Variants in EFL1 observed in about 807,000 individuals in gnomAD.
The protein encoded by EFL1 is elongation factor like GTPase 1.
A neutral mutation model predicts 126.7 loss-of-function variants in EFL1; 76 were observed. The ratio of observed to expected loss-of-function variants is 0.60; its 90% confidence interval spans 0.50 to 0.73. The LOEUF is 0.73. EFL1 is among the 30% of genes least tolerant of loss of function. EFL1 has a pLI of 0.00. For missense variants in EFL1, 1,128 were observed against 1,343.2 expected (o/e 0.84, Z 2.50); for synonymous variants, 410 against 448.4 (o/e 0.91, Z 1.08).
intron 7 of EFL1, among the ~76,000 whole-genome samples, chr15:82,234,617 T>C (rs2074853980): frequency 6.6e-6 from 1 of 152,158 alleles, no homozygotes; most frequent in African/African-American, 2.4e-5. Flanking sequence ...AACAAGTTCC[T>C]GTAAAAAGGA....
chr15:82,222,352 A>T (rs1256577511), intron 12 of EFL1, among the ~76,000 whole-genome samples: 1 of 152,248 alleles, frequency 6.6e-6, no homozygotes, highest in Non-Finnish European at 1.5e-5. Flanking sequence ...TATGGCTCTG[A>T]AGTCTATGCT....
intron 17 of EFL1, among the ~76,000 whole-genome samples, chr15:82,153,370 C>T (rs1193132394): frequency 1.3e-5 from 2 of 151,908 alleles, no homozygotes; most frequent in Admixed American, 1.3e-4. Flanking sequence ...AGTATATATA[C>T]ACAAAACTGC....
rs1306251062 is a variant in EFL1, at chr15:82,262,706, C to A, written c.-112G>T. 3 of 712,558 alleles carry A rather than the reference C, an allele frequency of 4.2e-6. No homozygotes were observed. Among genetic ancestry groups the A allele is most frequent in the African/African-American group, 1.9e-5 (1 of 53,810 alleles). The allele number at this position is 712,558 out of a possible 1,614,324, so 44.1% of individuals were successfully genotyped here. A position where few individuals can be genotyped will look rare whatever the true frequency, so the allele number is the denominator to read the frequency against. ...GTCCGAGAGCTCTGCGGGTCCGACA[C>A]GCCCGCGCGCCAGGGGGCGGGGCCG... is the stretch of plus-strand genomic sequence containing the variant. On this transcript the variant is annotated 5_prime_UTR_variant, in exon 1 of 20. Coordinates refer to ENST00000268206, the MANE Select transcript of EFL1 (RefSeq NM_024580.6).
At chr15:82,169,967 T>C (rs2074116809) in intron 15 of EFL1, among the ~76,000 whole-genome samples, 1 of 152,142 alleles carries the variant, frequency 6.6e-6, no homozygotes, top group African/African-American at 2.4e-5. Flanking sequence ...ATAGGAAAAG[T>C]ATACTTTTTG....
chr15:82,152,216 A>T lies in EFL1; in HGVS notation c.2238T>A (p.Asn746Lys), dbSNP rs1255223003. The change falls in exon 18 of 20, where the codon AAT (asparagine) becomes AAA (lysine). Residue 746 changes from asparagine to lysine, a missense_variant. Asn to Lys is a moderately conservative substitution (Grantham distance 94, BLOSUM62 0). This residue lies in a region of EFL1 where 561 missense variants were observed against 641.7 expected (regional missense o/e 0.87). Transcript: ENST00000268206. ...SDGLITITTP[N>K]KLATLSVRAM... ...CTCGAACACTGAGCGTGGCAAGTTT[A>T]TTGGGAGTTGTTATGGTGATTAGCC... 6.2e-7 allele frequency: 1 copy of T among 1,613,986 alleles called. No homozygotes were observed. Among genetic ancestry groups the T allele is most frequent in the Non-Finnish European group, 8.5e-7 (1 of 1,180,030 alleles).
chr15:82,190,414 C>A (rs2074347349), intron 15 of EFL1, among the ~76,000 whole-genome samples: 1 of 152,102 alleles, frequency 6.6e-6, no homozygotes, highest in Non-Finnish European at 1.5e-5. Context: ...ACAGAAATAT[C>A]ACTTTTGTCG....
intron 15 of EFL1, among the ~76,000 whole-genome samples, chr15:82,200,723 C>T (rs945327185): frequency 2.0e-5 from 3 of 152,092 alleles, no homozygotes; most frequent in Admixed American, 6.5e-5. Context: ...TTGAATAATC[C>T]GAACACATTA....
intron 18 of EFL1, among the ~76,000 whole-genome samples, chr15:82,146,138 G>A (rs2073843280): frequency 6.6e-6 from 1 of 152,052 alleles, no homozygotes; most frequent in Non-Finnish European, 1.5e-5. Context: ...TATTTCCCCA[G>A]ATAAAATGAT....
At chr15:82,221,682 C>G (rs1321849883) in intron 12 of EFL1, among the ~76,000 whole-genome samples, 2 of 152,166 alleles carry the variant, frequency 1.3e-5, no homozygotes, top group Non-Finnish European at 2.9e-5. Context: ...AGAAACAATC[C>G]TTGAGCCTGG....
intron 15 of EFL1, among the ~76,000 whole-genome samples, chr15:82,186,829 C>T (rs2074308689): frequency 6.6e-6 from 1 of 152,064 alleles, no homozygotes; most frequent in Admixed American, 6.6e-5. Flanking sequence ...TACTTGAGTC[C>T]TCTTTGATGA....
At chr15:82,138,259 AT>A (rs374866072) in intron 19 of EFL1, among the ~76,000 whole-genome samples, 58 of 151,712 alleles carry the variant, frequency 3.8e-4, no homozygotes, top group South Asian at 3.5e-3. Context: ...TACTGGAGAT[AT>A]TTTTTTTTCC....
intron 19 of EFL1, among the ~76,000 whole-genome samples, chr15:82,134,197 C>A (rs1344032739): frequency 6.6e-6 from 1 of 152,186 alleles, no homozygotes; most frequent in East Asian, 1.9e-4. Context: ...ACATACCCAA[C>A]AAACTCTGAG....
At chr15:82,159,535 G>C (rs545178126) in intron 16 of EFL1, among the ~76,000 whole-genome samples, 7 of 149,244 alleles carry the variant, frequency 4.7e-5, no homozygotes, top group African/African-American at 1.7e-4. Flanking sequence ...TTAGGTGTTT[G>C]AAAATGTTGC....
intron 15 of EFL1, among the ~76,000 whole-genome samples, chr15:82,171,374 A>G (rs1224621876): frequency 6.6e-6 from 1 of 152,226 alleles, no homozygotes. Context: ...TAGACAACAG[A>G]TCAATGGGAA....
intron 2 of EFL1, among the ~76,000 whole-genome samples, chr15:82,259,931 T>C (rs1214875792): frequency 6.6e-6 from 1 of 152,222 alleles, no homozygotes; most frequent in Non-Finnish European, 1.5e-5. Flanking sequence ...AATGTAAATA[T>C]GTATTAGCAT....
intron 15 of EFL1, among the ~76,000 whole-genome samples, chr15:82,210,789 G>C (rs1358957165): frequency 6.6e-6 from 1 of 151,032 alleles, no homozygotes; most frequent in African/African-American, 2.4e-5. Flanking sequence ...TTGAACCCAG[G>C]AGACAGAGGT....
intron 14 of EFL1, among the ~76,000 whole-genome samples, chr15:82,217,361 T>C (rs1595989051): frequency 2.9e-5 from 3 of 102,132 alleles, no homozygotes; most frequent in Non-Finnish European, 3.9e-5. Context: ...CAAGGTAGCA[T>C]TGATTAGATT....
intron 10 of EFL1, 55 bp from the exon 11 acceptor site, chr15:82,227,627 G>A (rs1595995928): frequency 5.6e-6 from 9 of 1,611,406 alleles, no homozygotes; most frequent in Non-Finnish European, 5.1e-6. Flanking sequence ...CCACCAAGGC[G>A]AAGATTCACT....
At position 82,225,598 on chromosome 15, in the gene EFL1, G is replaced by A. The variant is rs186506028; in HGVS notation, c.1193-334C>T. Among the ~76,000 whole-genome samples, 196 of 152,284 alleles carry A rather than the reference G, an allele frequency of 1.3e-3. 1 individual carries two copies. Among genetic ancestry groups the A allele is most frequent in the African/African-American group, 4.6e-3 (191 of 41,556 alleles). On this transcript the variant is annotated intron_variant, in intron 11 of 19. Coordinates refer to ENST00000268206, the MANE Select transcript of EFL1 (RefSeq NM_024580.6). ...ACTAATACATTTTTCACTGTATCAA[G>A]TATAGAAAATAGAATTGAGGAATGT...
Sources: allele counts gnomAD v4.1 joint callset (sites outside exome capture counted in the v4.1 genomes callset), GRCh38; gene constraint gnomAD v4.1.1; regional missense constraint gnomAD v4.1.1; transcripts MANE v1.5; gene names NCBI Gene and HGNC (gene_info 2026-07-23, HGNC 2026-07-21).